DOCK10: variants seen among roughly 807,000 people sequenced by gnomAD.
The protein encoded by DOCK10 is dedicator of cytokinesis protein 10.
In DOCK10, 145 loss-of-function variants were observed where a neutral mutation model predicts 280.1. The ratio of observed to expected loss-of-function variants is 0.52; its 90% CI spans 0.45 to 0.59. The LOEUF (loss-of-function observed/expected upper bound fraction) is 0.59, where lower values mean the gene tolerates loss of function less well. Ranked by LOEUF, DOCK10 falls within the 20% of genes least tolerant of loss-of-function variation. The probability of loss-of-function intolerance (pLI) is 0.00; values close to 1 mark genes in which losing one functional copy is unlikely to be tolerated. For synonymous variants in DOCK10, 915 were observed against 942.2 expected (o/e 0.97, Z 0.53); for missense variants, 2,368 against 2,651.7 (o/e 0.89, Z 2.35).
intron 1 of DOCK10, among the ~76,000 whole-genome samples, chr2:225,032,174 A>C (rs1220171138): frequency 6.6e-6 from 1 of 152,186 alleles, no homozygotes. Flanking sequence ...GGACTAAAGC[A>C]TTCTTGAAGG....
At chr2:224,810,487 TTTTA>T (rs1693689088) in intron 31 of DOCK10, among the ~76,000 whole-genome samples, 1 of 152,098 alleles carries the variant, frequency 6.6e-6, no homozygotes. Context: ...TTTTTTTAAA[TTTTA>T]TTATTATTAT....
At chr2:224,840,971 A>G (rs566217448) in intron 23 of DOCK10, among the ~76,000 whole-genome samples, 1 of 152,290 alleles carries the variant, frequency 6.6e-6, no homozygotes, top group Admixed American at 6.5e-5. Flanking sequence ...ACATGGAGGA[A>G]CCCGGAGTAT....
At chr2:224,971,369 G>C (rs781236294) in intron 1 of DOCK10, among the ~76,000 whole-genome samples, 8 of 151,940 alleles carry the variant, frequency 5.3e-5, no homozygotes, top group Non-Finnish European at 1.0e-4. Flanking sequence ...CAGATTGCAG[G>C]TGAAGAGAGG....
At chr2:224,884,653 T>C (rs1212445145) in intron 7 of DOCK10, among the ~76,000 whole-genome samples, 2 of 152,174 alleles carry the variant, frequency 1.3e-5, no homozygotes, top group Admixed American at 1.3e-4. Flanking sequence ...GACCAAGAGC[T>C]TATAGAGAAC....
In DOCK10 at chr2:224,793,014, G is replaced by A. The variant is rs1692307289; in HGVS notation, c.5271C>T (p.Pro1757=). The part of the protein sequence containing the change: ...TASLLSEDTH[P]CDSNSLLTTP... Reference sequence around the variant, plus strand: ...TTGTTAGTAATGAGTTGCTATCACAGGGGTGGGTATCCTCCGAGAGCAGGG... The same window carrying A: ...TTGTTAGTAATGAGTTGCTATCACAAGGGTGGGTATCCTCCGAGAGCAGGG... Residue 1757 remains proline (P), a synonymous_variant, in exon 47 of 56, where the codon CCC becomes CCT. Transcript: ENST00000258390. The A allele has an allele frequency of 1.2e-6, 2 of 1,613,802 alleles. No homozygotes were observed. Among genetic ancestry groups the A allele is most frequent in the Non-Finnish European group, 1.7e-6 (2 of 1,179,784 alleles).
chr2:224,837,379 T>C (rs1695658667), intron 25 of DOCK10, among the ~76,000 whole-genome samples: 1 of 152,204 alleles, frequency 6.6e-6, no homozygotes, highest in Non-Finnish European at 1.5e-5. Context: ...TAGAAAGAGC[T>C]AAGAAAGCAT....
intron 1 of DOCK10, among the ~76,000 whole-genome samples, chr2:224,967,980 G>C (rs1704874852): frequency 6.6e-6 from 1 of 152,120 alleles, no homozygotes; most frequent in South Asian, 2.1e-4. Context: ...TGCAACTGCA[G>C]TTTTCTGATA....
chr2:224,901,437 C>T (rs1700290445), intron 3 of DOCK10, among the ~76,000 whole-genome samples: 2 of 152,208 alleles, frequency 1.3e-5, no homozygotes, highest in South Asian at 4.1e-4. Context: ...GTTAATTACT[C>T]CAAACAGCGA....
chr2:225,018,949 AT>A (rs1689707893), intron 1 of DOCK10, among the ~76,000 whole-genome samples: 1 of 150,144 alleles, frequency 6.7e-6, no homozygotes, highest in Non-Finnish European at 1.5e-5. Context: ...GTATATATGT[AT>A]ATATGTGTAT....
intron 1 of DOCK10, among the ~76,000 whole-genome samples, chr2:225,037,170 C>T (rs1250617952): frequency 6.6e-6 from 1 of 152,108 alleles, no homozygotes; most frequent in East Asian, 1.9e-4. Context: ...GGAGGATTAA[C>T]CTCATGCTCT....
rs147729697 is a variant in DOCK10, at chr2:224,978,990, C to T, written c.124-47322G>A. Among the ~76,000 whole-genome samples, 407 of 152,312 alleles carry T rather than the reference C, an allele frequency of 2.7e-3. 2 individuals carry two copies. Among genetic ancestry groups the T allele is most frequent in the African/African-American group, 9.5e-3 (393 of 41,564 alleles). On this transcript the variant is annotated intron_variant, in intron 1 of 55. Transcript: ENST00000258390. The stretch of plus-strand genomic sequence containing the variant: ...TTTATATTCAATCCATAGGCAAACT[C>T]TATTGGTTCTACTTTTGAAATCTAT...
chr2:225,020,418 A>C (rs1441240765), intron 1 of DOCK10, among the ~76,000 whole-genome samples: 1 of 152,138 alleles, frequency 6.6e-6, no homozygotes, highest in African/African-American at 2.4e-5. Flanking sequence ...CATGAAGCAA[A>C]GAGTCTGTTT....
intron 2 of DOCK10, among the ~76,000 whole-genome samples, chr2:224,921,112 A>AAATATATATATATATATATATAT: frequency 1.8e-5 from 1 of 54,418 alleles, no homozygotes; most frequent in African/African-American, 1.6e-4. Flanking sequence ...AAAAAAAAAA[A>AAATATATATATATATATATATAT]ATATATATAT....
intron 45 of DOCK10, 135 bp from the exon 46 acceptor site, chr2:224,793,592 G>T (rs1292489159): frequency 8.6e-6 from 5 of 580,474 alleles, no homozygotes; most frequent in Non-Finnish European, 1.4e-5. Flanking sequence ...TTGAAAGCAA[G>T]GATCAATTGT....
chr2:224,854,892 C>A, intron 16 of DOCK10, 71 bp downstream of exon 16: 2 of 1,032,520 alleles, frequency 1.9e-6, no homozygotes, highest in Admixed American at 2.5e-5. Context: ...ACCAACCAAC[C>A]AACCAAAACA....
chr2:224,969,532 T>C (rs1704965367), intron 1 of DOCK10, among the ~76,000 whole-genome samples: 1 of 152,244 alleles, frequency 6.6e-6, no homozygotes, highest in African/African-American at 2.4e-5. Context: ...CTGGTTCATT[T>C]GCCTGGAGGT....
intron 2 of DOCK10, among the ~76,000 whole-genome samples, chr2:224,925,172 C>T (rs1179174534): frequency 6.8e-6 from 1 of 146,074 alleles, no homozygotes; most frequent in Non-Finnish European, 1.5e-5. Flanking sequence ...AAATGTTAAC[C>T]TTTGTCTCAG....
intron 7 of DOCK10, among the ~76,000 whole-genome samples, chr2:224,883,254 T>C (rs751216014): frequency 1.1e-4 from 16 of 152,326 alleles, no homozygotes; most frequent in Non-Finnish European, 1.9e-4. Context: ...AGTGAGCAAG[T>C]AGCGATGCCC....
chr2:224,827,538 A>G (rs1694949345), intron 27 of DOCK10, among the ~76,000 whole-genome samples: 1 of 152,170 alleles, frequency 6.6e-6, no homozygotes, highest in African/African-American at 2.4e-5. Flanking sequence ...GGTAGGAACT[A>G]GAAGAGAATT....
Sources: allele counts gnomAD v4.1 joint callset (sites outside exome capture counted in the v4.1 genomes callset), GRCh38; gene constraint gnomAD v4.1.1; transcripts MANE v1.5; gene names NCBI Gene and HGNC (gene_info 2026-07-23, HGNC 2026-07-21).